Variants in GPC6 observed in about 807,000 individuals in gnomAD.
The protein encoded by GPC6 is glypican-6.
Under a neutral mutation model 55.2 loss-of-function variants are expected in GPC6, and 14 were observed. The observed-to-expected ratio is 0.25, with a 90% confidence interval of 0.17 to 0.40. GPC6 has a LOEUF of 0.40. Ranked by LOEUF, GPC6 falls within the 10% of genes least tolerant of loss-of-function variation. GPC6 has a pLI of 1.00. For missense variants in GPC6, 641 were observed against 708.5 expected (o/e 0.90, Z 1.08); for synonymous variants, 278 against 259.6 (o/e 1.07, Z -0.68).
intron 4 of GPC6, among the ~76,000 whole-genome samples, chr13:94,192,838 A>G (rs1005914012): frequency 6.6e-6 from 1 of 152,144 alleles, no homozygotes; most frequent in African/African-American, 2.4e-5. Context: ...GTGAGCCCCA[A>G]TTTGGTGGTA....
chr13:93,286,011 C>T (rs1413818948), intron 1 of GPC6, among the ~76,000 whole-genome samples: 1 of 152,052 alleles, frequency 6.6e-6, no homozygotes, highest in Non-Finnish European at 1.5e-5. Flanking sequence ...AGAGTTGTGC[C>T]AAATCTACAA....
At chr13:94,127,510 G>C (rs1347603347) in intron 4 of GPC6, among the ~76,000 whole-genome samples, 1 of 152,056 alleles carries the variant, frequency 6.6e-6, no homozygotes, top group African/African-American at 2.4e-5. Flanking sequence ...TTCCTGTAAA[G>C]CCTGCAGAAC....
intron 4 of GPC6, among the ~76,000 whole-genome samples, chr13:94,041,264 A>G (rs1883521911): frequency 6.6e-6 from 1 of 151,850 alleles, no homozygotes; most frequent in Non-Finnish European, 1.5e-5. Context: ...GAAACCTCTT[A>G]ATTCAGCAGA....
intron 2 of GPC6, among the ~76,000 whole-genome samples, chr13:93,802,714 C>T (rs1054046271): frequency 1.3e-5 from 2 of 151,972 alleles, no homozygotes; most frequent in African/African-American, 4.8e-5. Context: ...TAACCTTTTA[C>T]AGAAGAAAGA....
At chr13:94,187,523 T>C (rs1889243591) in intron 4 of GPC6, 1 of 152,206 alleles carries the variant, frequency 6.6e-6, no homozygotes, top group Admixed American at 6.5e-5. Context: ...AAACATCTTG[T>C]TTTAAAAATG....
chr13:93,516,586 T>G (rs1410574267), intron 1 of GPC6, among the ~76,000 whole-genome samples: 4 of 152,088 alleles, frequency 2.6e-5, no homozygotes, highest in African/African-American at 9.7e-5. Flanking sequence ...AAGTTAAGTT[T>G]TAATGGGAAA....
chr13:93,326,124 A>G (rs1212273772), intron 1 of GPC6, among the ~76,000 whole-genome samples: 1 of 152,142 alleles, frequency 6.6e-6, no homozygotes, highest in Non-Finnish European at 1.5e-5. Context: ...GAGGAGAAAG[A>G]GGCTGTGTGT....
intron 4 of GPC6, among the ~76,000 whole-genome samples, chr13:94,258,561 G>A (rs1003779067): frequency 3.3e-5 from 5 of 152,136 alleles, no homozygotes; most frequent in African/African-American, 1.2e-4. Flanking sequence ...AAGGTTTTCA[G>A]CATACTCTTC....
At chr13:93,813,412 A>G (rs969864903) in intron 2 of GPC6, among the ~76,000 whole-genome samples, 1 of 152,130 alleles carries the variant, frequency 6.6e-6, no homozygotes, top group Non-Finnish European at 1.5e-5. Context: ...AACTTTGCAT[A>G]ACTTCTGGGG....
chr13:93,532,219 A>G (rs1881895534), intron 1 of GPC6, among the ~76,000 whole-genome samples: 1 of 152,152 alleles, frequency 6.6e-6, no homozygotes, highest in Non-Finnish European at 1.5e-5. Context: ...GACTGTTTGC[A>G]TGTAGTAAGA....
rs116803102 is a variant in GPC6, at chr13:94,101,036, C to A, written c.877+73142C>A. ...TCAGGCAAACTGGTTAATGTTGAAG[C>A]CAGGACAGAACCTACAGTCTGTGAT... On this transcript the variant is annotated intron_variant, in intron 4 of 8. Coordinates refer to ENST00000377047, the MANE Select transcript of GPC6 (RefSeq NM_005708.5). 3.1e-3 allele frequency among the ~76,000 whole-genome samples: 466 copies of A among 152,318 alleles called. 7 individuals carry two copies. Among genetic ancestry groups the A allele is most frequent in the African/African-American group, 0.011 (445 of 41,562 alleles).
chr13:93,440,913 C>T (rs574474196), intron 1 of GPC6, among the ~76,000 whole-genome samples: 3 of 141,252 alleles, frequency 2.1e-5, no homozygotes, highest in South Asian at 4.6e-4. Context: ...TCTCATTGTT[C>T]AATTCCCACC....
chr13:93,550,378 T>C (rs1389215145), intron 2 of GPC6, among the ~76,000 whole-genome samples: 2 of 152,162 alleles, frequency 1.3e-5, no homozygotes, highest in Non-Finnish European at 2.9e-5. Flanking sequence ...TTCTTGGTCT[T>C]ATTATTTTAC....
chr13:93,784,210 A>G (rs559434080), intron 2 of GPC6, among the ~76,000 whole-genome samples: 2 of 152,304 alleles, frequency 1.3e-5, no homozygotes, highest in Admixed American at 1.3e-4. Context: ...AGCTTTATTC[A>G]TGACCAAGAC....
intron 1 of GPC6, among the ~76,000 whole-genome samples, chr13:93,413,765 C>G (rs2139248505): frequency 6.6e-6 from 1 of 152,138 alleles, no homozygotes; most frequent in South Asian, 2.1e-4. Context: ...CTTCTTCATT[C>G]TAATTTTTCC....
At chr13:93,544,970 T>C (rs1157566882) in intron 1 of GPC6, among the ~76,000 whole-genome samples, 3 of 152,174 alleles carry the variant, frequency 2.0e-5, no homozygotes, top group Non-Finnish European at 2.9e-5. Context: ...GATGTTTACT[T>C]GATGTATTAA....
At chr13:93,758,327 T>G (rs1013984597) in intron 2 of GPC6, among the ~76,000 whole-genome samples, 1 of 152,108 alleles carries the variant, frequency 6.6e-6, no homozygotes, top group Non-Finnish European at 1.5e-5. Context: ...TGTCGGCAAG[T>G]GTTATGACTG....
chr13:93,740,067 A>G (rs1052241274), intron 2 of GPC6, among the ~76,000 whole-genome samples: 1 of 152,174 alleles, frequency 6.6e-6, no homozygotes, highest in African/African-American at 2.4e-5. Context: ...GGACTTCACC[A>G]TCCCCTTTCA....
chr13:94,346,369 C>G (rs1309154819), intron 6 of GPC6, among the ~76,000 whole-genome samples: 1 of 152,112 alleles, frequency 6.6e-6, no homozygotes, highest in Non-Finnish European at 1.5e-5. Context: ...TGATAGGAAC[C>G]AGCATCTTGC....
Sources: gnomAD v4.1 joint callset for allele counts (sites outside exome capture counted in the v4.1 genomes callset) on GRCh38, gnomAD v4.1.1 for gene constraint, MANE v1.5 for transcripts, NCBI Gene and HGNC (gene_info 2026-07-23, HGNC 2026-07-21) for gene names.